Variants in KIAA1328 observed in about 807,000 individuals in gnomAD.
KIAA1328 encodes the protein KIAA1328.
In KIAA1328, 52 loss-of-function variants were observed where a neutral mutation model predicts 68.1. The ratio of observed to expected loss-of-function variants is 0.76; its 90% CI spans 0.61 to 0.96. The LOEUF is 0.96. Among genes scored for constraint, KIAA1328 ranks in the 40% least tolerant of loss-of-function variants. KIAA1328 has a pLI of 0.00. For missense variants in KIAA1328, 641 were observed against 677.6 expected (o/e 0.95, Z 0.60); for synonymous variants, 232 against 239.4 (o/e 0.97, Z 0.28).
In KIAA1328 at chr18:37,223,769, A is replaced by T; in HGVS notation, c.*1542A>T. ...CCTTATCCAGATAGATCCAAAGCTC[A>T]TGTCTCTTCAGGCTGAGACTGGCGC... On this transcript the variant is annotated 3_prime_UTR_variant, in exon 10 of 10. Transcript: ENST00000280020. 1 of 984,466 alleles carries T rather than the reference A, an allele frequency of 1.0e-6. No homozygotes were observed. Among genetic ancestry groups the T allele is most frequent in the Non-Finnish European group, 1.2e-6 (1 of 829,106 alleles). The allele number at this position is 984,466 out of a possible 1,614,324, so 61.0% of individuals were successfully genotyped here. A position where few individuals can be genotyped will look rare whatever the true frequency, so the allele number is the denominator to read the frequency against.
At chr18:36,989,296 CAGTGTTCA>C (rs1392414408) in intron 6 of KIAA1328, among the ~76,000 whole-genome samples, 1 of 152,134 alleles carries the variant, frequency 6.6e-6, no homozygotes, top group Non-Finnish European at 1.5e-5. Flanking sequence ...TTGTAGCCAT[CAGTGTTCA>C]TTTGCTTTAA....
chr18:37,143,607 T>C (rs1311658762), intron 7 of KIAA1328, among the ~76,000 whole-genome samples: 1 of 150,938 alleles, frequency 6.6e-6, no homozygotes, highest in Non-Finnish European at 1.5e-5. Flanking sequence ...ATCCTTATAT[T>C]GTTCCCAATC....
At position 37,166,028 on chromosome 18, in the gene KIAA1328, G is replaced by C. The variant is rs531019595; in HGVS notation, c.1414+5647G>C. On this transcript the variant is annotated intron_variant, in intron 8 of 9. Transcript: ENST00000280020. ...ATGATTACACTGATTGGGAGATATT[G>C]GGGTGGTAATTTTTTTTTTTTTTTT... Among the ~76,000 whole-genome samples, 169 of 147,514 alleles carry C rather than the reference G, an allele frequency of 1.1e-3. 1 individual carries two copies. Among genetic ancestry groups the C allele is most frequent in the Non-Finnish European group, 2.1e-3 (145 of 67,728 alleles).
chr18:36,995,109 C>T (rs754634675), intron 6 of KIAA1328, among the ~76,000 whole-genome samples: 1 of 152,128 alleles, frequency 6.6e-6, no homozygotes, highest in Non-Finnish European at 1.5e-5. Context: ...TCTCGCCTAG[C>T]CTCCCACCCG....
intron 7 of KIAA1328, among the ~76,000 whole-genome samples, chr18:37,088,588 T>C (rs2057174574): frequency 6.6e-6 from 1 of 151,996 alleles, no homozygotes; most frequent in Admixed American, 6.6e-5. Context: ...TTATTTTTAA[T>C]ACTATTCATG....
At chr18:37,110,494 G>A (rs1381429239) in intron 7 of KIAA1328, among the ~76,000 whole-genome samples, 1 of 152,166 alleles carries the variant, frequency 6.6e-6, no homozygotes, top group Non-Finnish European at 1.5e-5. Flanking sequence ...CCCTCTGAAA[G>A]GATATAAAAT....
intron 7 of KIAA1328, among the ~76,000 whole-genome samples, chr18:37,102,803 A>G (rs914766962): frequency 6.6e-6 from 1 of 152,218 alleles, no homozygotes; most frequent in African/African-American, 2.4e-5. Flanking sequence ...CTCTTGGTAG[A>G]CAGCATGACT....
At position 37,224,378 on chromosome 18, in the gene KIAA1328, C is replaced by T. The variant is rs2060612841; in HGVS notation, c.*2151C>T. On this transcript the variant is annotated 3_prime_UTR_variant, in exon 10 of 10. Coordinates refer to ENST00000280020, the MANE Select transcript of KIAA1328 (RefSeq NM_020776.3). ...GAGTTTTATTGCTTCTTTGCCTCTC[C>T]ATGAATGGCCAATTTGGAAAAGCAG... The T allele has an allele frequency of 2.0e-6, 2 of 985,236 alleles. No homozygotes were observed. Among genetic ancestry groups the T allele is most frequent in the African/African-American group, 1.7e-5 (1 of 57,202 alleles). 61.0% of individuals were successfully genotyped at this position (985,236 alleles called of 1,614,324 possible).
At chr18:37,078,134 T>C (rs1196675938) in intron 7 of KIAA1328, among the ~76,000 whole-genome samples, 4 of 152,184 alleles carry the variant, frequency 2.6e-5, no homozygotes, top group Admixed American at 6.5e-5. Flanking sequence ...AACAGAGATA[T>C]AGATCAATGG....
At chr18:37,096,037 A>G (rs2057395122) in intron 7 of KIAA1328, among the ~76,000 whole-genome samples, 1 of 152,202 alleles carries the variant, frequency 6.6e-6, no homozygotes, top group Admixed American at 6.5e-5. Context: ...GGGTGGCTTT[A>G]CTGCTGTATT....
intron 6 of KIAA1328, among the ~76,000 whole-genome samples, chr18:37,043,661 G>C (rs958872276): frequency 2.8e-4 from 43 of 152,210 alleles, no homozygotes; most frequent in African/African-American, 9.6e-4. Flanking sequence ...GTTGAGCAAT[G>C]CCTTTACTTT....
At chr18:37,000,473 T>C (rs2053546827) in intron 6 of KIAA1328, among the ~76,000 whole-genome samples, 1 of 152,056 alleles carries the variant, frequency 6.6e-6, no homozygotes, top group Non-Finnish European at 1.5e-5. Context: ...CAAATAAACA[T>C]TGACCTTAAA....
intron 4 of KIAA1328, among the ~76,000 whole-genome samples, chr18:36,853,262 A>C (rs2047273143): frequency 6.6e-6 from 1 of 152,238 alleles, no homozygotes; most frequent in African/African-American, 2.4e-5. Context: ...TGACTTTTAA[A>C]GATTTACCTC....
chr18:37,104,885 A>G (rs1039016206), intron 7 of KIAA1328, among the ~76,000 whole-genome samples: 3 of 152,210 alleles, frequency 2.0e-5, no homozygotes, highest in Non-Finnish European at 4.4e-5. Context: ...AGGAATGCAA[A>G]TTACTAGAGC....
chr18:36,977,767 T>G (rs2052527100), intron 6 of KIAA1328, among the ~76,000 whole-genome samples: 1 of 151,844 alleles, frequency 6.6e-6, no homozygotes, highest in South Asian at 2.1e-4. Flanking sequence ...ACTGTGAAGG[T>G]TTTTTATTTT....
At chr18:36,942,496 A>C (rs1029939284) in intron 5 of KIAA1328, among the ~76,000 whole-genome samples, 2 of 152,176 alleles carry the variant, frequency 1.3e-5, no homozygotes, top group Non-Finnish European at 2.9e-5. Flanking sequence ...ACCACTGACG[A>C]GTGCTTTTCT....
chr18:36,974,861 C>T (rs1014117472), intron 6 of KIAA1328, among the ~76,000 whole-genome samples: 4 of 152,166 alleles, frequency 2.6e-5, no homozygotes, highest in African/African-American at 9.7e-5. Flanking sequence ...TGCCATCTGT[C>T]ATAGGGCATT....
At chr18:37,025,210 C>G (rs147725312) in intron 6 of KIAA1328, among the ~76,000 whole-genome samples, 1 of 152,010 alleles carries the variant, frequency 6.6e-6, no homozygotes, top group Non-Finnish European at 1.5e-5. Flanking sequence ...CAGGAGCACC[C>G]AGATTCATAA....
At chr18:36,946,711 C>A (rs954455968) in intron 5 of KIAA1328, among the ~76,000 whole-genome samples, 1 of 152,064 alleles carries the variant, frequency 6.6e-6, no homozygotes, top group Non-Finnish European at 1.5e-5. Context: ...AATATAATCT[C>A]TTTAAATTAA....
Sources: allele counts gnomAD v4.1 joint callset (sites outside exome capture counted in the v4.1 genomes callset), GRCh38; gene constraint gnomAD v4.1.1; transcripts MANE v1.5; gene names NCBI Gene and HGNC (gene_info 2026-07-23, HGNC 2026-07-21).